Variants in DPP4 observed in about 807,000 individuals in gnomAD.
The protein encoded by DPP4 is ADCP-2.
Under a neutral mutation model 122.4 loss-of-function variants are expected in DPP4, and 93 were observed. The observed-to-expected ratio is 0.76, with a 90% CI of 0.64 to 0.90. The LOEUF is 0.90. Among genes scored for constraint, DPP4 ranks in the 40% least tolerant of loss-of-function variants. The pLI is 0.00. For synonymous variants in DPP4, 321 were observed against 302.9 expected, an observed-to-expected ratio of 1.06 and a Z score of -0.62; for missense variants, 914 against 907.3, an observed-to-expected ratio of 1.01 and a Z score of -0.09.
At chr2:161,994,240 A>G (rs1700936651) in intron 25 of DPP4, among the ~76,000 whole-genome samples, 2 of 152,254 alleles carry the variant, frequency 1.3e-5, no homozygotes. Flanking sequence ...AGTATCAAGT[A>G]ACTGTCCCAC....
At position 162,005,810 on chromosome 2, in the gene DPP4, C is replaced by G; in HGVS notation, c.1988-1G>C. The stretch of plus-strand genomic sequence containing the variant: ...ATGTAACGTTCTGTGTACACTGAGT[C>G]TGTGAAAGAAAAAAAAATAAAAAAA... On this transcript the variant is annotated splice_acceptor_variant, in intron 22 of 25. Coordinates refer to ENST00000360534, the MANE Select transcript of DPP4 (RefSeq NM_001935.4). LOFTEE classifies it high-confidence loss of function. The G allele has an allele frequency of 6.2e-7, 1 of 1,610,484 alleles. No homozygotes were observed. The highest frequency in any genetic ancestry group is 8.5e-7 in the Non-Finnish European group (1 of 1,178,738).
At chr2:162,009,705 G>A (rs1701374393) in intron 20 of DPP4, among the ~76,000 whole-genome samples, 1 of 152,140 alleles carries the variant, frequency 6.6e-6, no homozygotes, top group South Asian at 2.1e-4. Context: ...AGAAAGATAA[G>A]GGCATGAAAA....
intron 3 of DPP4, 118 bp from the exon 4 acceptor site, chr2:162,047,124 G>A: frequency 1.6e-6 from 1 of 609,622 alleles, no homozygotes; most frequent in Non-Finnish European, 2.9e-6. Flanking sequence ...TCTAAGTTGA[G>A]AAAACATGAA....
At chr2:162,039,305 A>G in intron 5 of DPP4, 121 bp from the exon 6 acceptor site, 2 of 860,318 alleles carry the variant, frequency 2.3e-6, no homozygotes, top group Non-Finnish European at 3.6e-6. Flanking sequence ...ATGTTATCAT[A>G]TCTTATAATT....
intron 2 of DPP4, among the ~76,000 whole-genome samples, chr2:162,069,769 T>C (rs928556629): frequency 4.6e-5 from 7 of 152,214 alleles, no homozygotes; most frequent in African/African-American, 7.2e-5. Context: ...GCAAACCTCA[T>C]AGATGCTATC....
At chr2:162,067,247 A>G (rs1684978727) in intron 2 of DPP4, among the ~76,000 whole-genome samples, 1 of 152,188 alleles carries the variant, frequency 6.6e-6, no homozygotes, top group African/African-American at 2.4e-5. Context: ...CTTTAGAACA[A>G]CTGAGGAAAA....
chr2:162,067,896 A>T (rs1037328804), intron 2 of DPP4, among the ~76,000 whole-genome samples: 2 of 152,236 alleles, frequency 1.3e-5, no homozygotes, highest in Admixed American at 1.3e-4. Flanking sequence ...ATTCATGGGA[A>T]CCAGCAGGCT....
chr2:162,023,562 C>A (rs961995878), intron 11 of DPP4, among the ~76,000 whole-genome samples: 2 of 152,182 alleles, frequency 1.3e-5, no homozygotes, highest in Non-Finnish European at 2.9e-5. Context: ...GGCGTTCTGT[C>A]CTTATCTGCT....
At chr2:162,050,570 T>C (rs6744557) in intron 2 of DPP4, among the ~76,000 whole-genome samples, 5,787 of 152,264 alleles carry the variant, frequency 0.038, 249 homozygotes, top group African/African-American at 0.098. Flanking sequence ...CTGTGTGAGG[T>C]TCACTCGGCT....
At chr2:162,019,108 C>T (rs1193731395) in intron 15 of DPP4, 115 bp downstream of exon 15, 1 of 995,604 alleles carries the variant, frequency 1.0e-6, no homozygotes, top group Non-Finnish European at 1.6e-6. Context: ...ATAAAAAGTG[C>T]TCAATAGCAA....
At chr2:162,068,650 T>C (rs902995750) in intron 2 of DPP4, among the ~76,000 whole-genome samples, 1 of 152,170 alleles carries the variant, frequency 6.6e-6, no homozygotes, top group South Asian at 2.1e-4. Flanking sequence ...CTTGGATCCT[T>C]CATTCTAAGG....
intron 23 of DPP4, among the ~76,000 whole-genome samples, chr2:162,004,044 G>A (rs1701220181): frequency 1.3e-5 from 2 of 152,082 alleles, no homozygotes; most frequent in African/African-American, 2.4e-5. Context: ...ATTCCACGTG[G>A]AAGGAGCAGA....
Position 162,035,166 on chromosome 2 carries a change from T to C in DPP4, c.772A>G (p.Lys258Glu). 6.2e-7 allele frequency: 1 copy of C among 1,612,618 alleles called. No individual in the cohort carries two copies. The highest frequency in any genetic ancestry group is 2.2e-5 in the East Asian group (1 of 44,852). The change falls in exon 9 of 26, where the codon AAG (lysine) becomes GAG (glutamate). Residue 258 changes from lysine (K) to glutamate (E), a missense_variant and splice_region_variant. Lys to Glu is a moderately conservative substitution (Grantham distance 56). Transcript: ENST00000360534. The stretch of plus-strand genomic sequence containing the variant: ...ACTGTACAAACAGGAGCACAGACCT[T>C]TGGATATGGAACCCGTACAGTCTTT... ...YPKTVRVPYP[K>E]AGAVNPTVKF...
At chr2:162,073,750 G>C (rs1685208776) in intron 1 of DPP4, among the ~76,000 whole-genome samples, 1 of 152,224 alleles carries the variant, frequency 6.6e-6, no homozygotes, top group African/African-American at 2.4e-5. Flanking sequence ...TTCTGTGAGT[G>C]GCTCTCCGGG....
At chr2:162,020,558 A>T in intron 13 of DPP4, 23 bp downstream of exon 13, 1 of 1,558,994 alleles carries the variant, frequency 6.4e-7, no homozygotes, top group Non-Finnish European at 8.7e-7. Context: ...TCAACATGAA[A>T]TAAAATATGT....
intron 5 of DPP4, among the ~76,000 whole-genome samples, chr2:162,043,270 G>A (rs80318928): frequency 0.06 from 9,085 of 152,242 alleles, 383 homozygotes; most frequent in Non-Finnish European, 0.084. Context: ...GGTAGGAGAT[G>A]TGTTCAGCCG....
chr2:162,030,267 G>A (rs1009827267), intron 10 of DPP4, among the ~76,000 whole-genome samples: 4 of 152,220 alleles, frequency 2.6e-5, no homozygotes, highest in Non-Finnish European at 4.4e-5. Context: ...AATGCAGGCA[G>A]CAGGGAGACT....
At chr2:162,028,014 C>T (rs1329837689) in intron 10 of DPP4, among the ~76,000 whole-genome samples, 1 of 151,074 alleles carries the variant, frequency 6.6e-6, no homozygotes, top group Non-Finnish European at 1.5e-5. Flanking sequence ...CAGTGGCAGC[C>T]TTGAGCCAAG....
At chr2:162,036,403 G>A (rs571138751) in intron 8 of DPP4, among the ~76,000 whole-genome samples, 4 of 152,016 alleles carry the variant, frequency 2.6e-5, no homozygotes, top group Admixed American at 6.6e-5. Flanking sequence ...CTAACTATGC[G>A]CCAGGTATTG....
Sources: allele counts gnomAD v4.1 joint callset (sites outside exome capture counted in the v4.1 genomes callset), GRCh38; gene constraint gnomAD v4.1.1; transcripts MANE v1.5; gene names NCBI Gene and HGNC (gene_info 2026-07-23, HGNC 2026-07-21).